Variants in GRM7 observed in about 807,000 individuals in gnomAD.
GRM7 encodes the protein metabotropic glutamate receptor 7.
A neutral mutation model predicts 84.5 loss-of-function variants in GRM7; 35 were observed. The observed-to-expected ratio is 0.41, with a 90% CI of 0.32 to 0.55. The LOEUF is 0.55. Among genes scored for constraint, GRM7 ranks in the 20% least tolerant of loss-of-function variants. The pLI is 0.19. For synonymous variants in GRM7, 487 were observed against 455.1 expected, an observed-to-expected ratio of 1.07 and a Z score of -0.89; for missense variants, 1,003 against 1,194.6, an observed-to-expected ratio of 0.84 and a Z score of 2.36.
intron 9 of GRM7, among the ~76,000 whole-genome samples, chr3:7,731,118 T>C (rs1354586173): frequency 6.6e-6 from 1 of 151,998 alleles, no homozygotes; most frequent in African/African-American, 2.4e-5. Flanking sequence ...AACGTTCATG[T>C]ACTCTTTTCA....
chr3:7,675,971 T>C (rs1162085550), intron 8 of GRM7, among the ~76,000 whole-genome samples: 1 of 152,118 alleles, frequency 6.6e-6, no homozygotes, highest in East Asian at 1.9e-4. Flanking sequence ...ACAGAGAGAA[T>C]AGTTATAGCT....
chr3:7,359,327 C>G (rs1444385302), intron 4 of GRM7, among the ~76,000 whole-genome samples: 1 of 132,326 alleles, frequency 7.6e-6, no homozygotes, highest in Non-Finnish European at 1.6e-5. Context: ...ATTCACCCCT[C>G]CTCCTCTTTT....
intron 2 of GRM7, among the ~76,000 whole-genome samples, chr3:7,288,071 T>C (rs1287616664): frequency 6.6e-6 from 1 of 152,182 alleles, no homozygotes; most frequent in Admixed American, 6.5e-5. Context: ...AAATTCTGTG[T>C]ATTTAAACAT....
intron 2 of GRM7, among the ~76,000 whole-genome samples, chr3:7,198,658 C>T (rs778533831): frequency 1.1e-4 from 17 of 152,066 alleles, no homozygotes; most frequent in Non-Finnish European, 2.4e-4. Context: ...GAACACAAAG[C>T]CTATTGTATA....
intron 1 of GRM7, among the ~76,000 whole-genome samples, chr3:6,920,012 C>T (rs1697070241): frequency 6.6e-6 from 1 of 152,110 alleles, no homozygotes; most frequent in African/African-American, 2.4e-5. Flanking sequence ...TTGAATATAA[C>T]ACAGTGGTTA....
chr3:6,943,896 C>A (rs981867676), intron 1 of GRM7, among the ~76,000 whole-genome samples: 2 of 151,898 alleles, frequency 1.3e-5, no homozygotes, highest in Non-Finnish European at 1.5e-5. Flanking sequence ...TGTTGTACAT[C>A]TTTTGTTGCT....
chr3:7,075,496 ATGTGTGTGTGTGTGTGTG>A (rs376048569), intron 1 of GRM7, among the ~76,000 whole-genome samples: 63 of 138,490 alleles, frequency 4.5e-4, no homozygotes, highest in African/African-American at 1.0e-3. Flanking sequence ...TGCTTCTCAG[ATGTGTGTGTGTGTGTGTG>A]TGTGTGTGTG....
At position 6,923,085 on chromosome 3, in the gene GRM7, G is replaced by A. The variant is rs141815842; in HGVS notation, c.519+61178G>A. Among the ~76,000 whole-genome samples the A allele has an allele frequency of 1.5e-3, 227 of 152,084 alleles. 2 individuals carry two copies. Among genetic ancestry groups the A allele is most frequent in the African/African-American group, 5.3e-3 (221 of 41,496 alleles). ...GCTGGAGTACACTTGCGGAATCTCGGCTCATTGCAACCTCTGCCCCCAGGA... is the reference window on the plus strand; with the variant it reads ...GCTGGAGTACACTTGCGGAATCTCGACTCATTGCAACCTCTGCCCCCAGGA... On this transcript the variant is annotated intron_variant, in intron 1 of 9. Coordinates refer to ENST00000357716, the MANE Select transcript of GRM7 (RefSeq NM_000844.4).
At chr3:7,237,344 T>C (rs986378604) in intron 2 of GRM7, among the ~76,000 whole-genome samples, 4 of 152,174 alleles carry the variant, frequency 2.6e-5, no homozygotes, top group African/African-American at 4.8e-5. Context: ...TGAATAATCA[T>C]TATTTTTTAT....
chr3:7,016,388 A>T (rs541905887), intron 1 of GRM7, among the ~76,000 whole-genome samples: 71 of 152,254 alleles, frequency 4.7e-4, no homozygotes, highest in Middle Eastern at 6.8e-3. Flanking sequence ...AGCTGACTGA[A>T]ATTCGGGGTT....
intron 8 of GRM7, among the ~76,000 whole-genome samples, chr3:7,634,885 C>G (rs1009588509): frequency 6.6e-6 from 1 of 152,118 alleles, no homozygotes; most frequent in Non-Finnish European, 1.5e-5. Flanking sequence ...ATTTTACCCA[C>G]AAAAGCCAAC....
chr3:7,671,864 T>A (rs1699931438), intron 8 of GRM7, among the ~76,000 whole-genome samples: 1 of 152,058 alleles, frequency 6.6e-6, no homozygotes, highest in Admixed American at 6.6e-5. Flanking sequence ...GAAGTCTTTG[T>A]GGTAATGGTA....
At chr3:7,362,195 T>C (rs952158221) in intron 4 of GRM7, among the ~76,000 whole-genome samples, 4 of 152,070 alleles carry the variant, frequency 2.6e-5, no homozygotes, top group African/African-American at 9.7e-5. Flanking sequence ...ACAGCGTAAT[T>C]AATGTACATG....
In GRM7 at chr3:6,950,260, G is replaced by C. The variant is rs373720484; in HGVS notation, c.519+88353G>C. On this transcript the variant is annotated intron_variant, in intron 1 of 9. Coordinates refer to ENST00000357716, the MANE Select transcript of GRM7 (RefSeq NM_000844.4). ...GTGTAGATGTCCTTTCTGTTTGTTA[G>C]TTTTCCTTCTAATAGTCAGGACCCT... 2.3e-4 allele frequency among the ~76,000 whole-genome samples: 35 copies of C among 151,974 alleles called. 2 individuals are homozygous for C. In the East Asian group the frequency reaches 6.6e-3, roughly 29 times the overall value.
At chr3:7,336,437 T>A (rs775763946) in intron 4 of GRM7, among the ~76,000 whole-genome samples, 11 of 151,878 alleles carry the variant, frequency 7.2e-5, no homozygotes, top group Non-Finnish European at 1.5e-4. Context: ...GTCAACAGTA[T>A]ACAGAATGGG....
chr3:7,665,219 G>T (rs1008321390), intron 8 of GRM7, among the ~76,000 whole-genome samples: 8 of 148,888 alleles, frequency 5.4e-5, no homozygotes, highest in Admixed American at 1.3e-4. Context: ...TGGCCCAGGC[G>T]GGAGTGCAGT....
At chr3:7,444,334 A>G (rs712786) in intron 5 of GRM7, among the ~76,000 whole-genome samples, 121,480 of 152,140 alleles carry the variant, frequency 0.8, 48,850 homozygotes, top group African/African-American at 0.85. Context: ...TCTATGGCTT[A>G]TAGAAGAGGA....
chr3:7,514,994 G>T (rs2124982041), intron 7 of GRM7, among the ~76,000 whole-genome samples: 1 of 152,114 alleles, frequency 6.6e-6, no homozygotes, highest in Non-Finnish European at 1.5e-5. Context: ...AACAGAACTG[G>T]ATTTGACTTT....
intron 1 of GRM7, among the ~76,000 whole-genome samples, chr3:7,129,708 A>T (rs552716928): frequency 6.6e-6 from 1 of 152,306 alleles, no homozygotes; most frequent in East Asian, 1.9e-4. Flanking sequence ...TGAGAATGGA[A>T]TTGACATTCT....
Sources: gnomAD v4.1 joint callset for allele counts (sites outside exome capture counted in the v4.1 genomes callset) on GRCh38, gnomAD v4.1.1 for gene constraint, MANE v1.5 for transcripts, NCBI Gene and HGNC (gene_info 2026-07-23, HGNC 2026-07-21) for gene names.